The following OS9 variants were observed in gnomAD, a reference collection of about 807,000 sequenced individuals.
OS9 encodes the protein OS9 endoplasmic reticulum lectin.
OS9 carries 58 observed loss-of-function variants against 84.7 expected under a neutral mutation model. The ratio of observed to expected loss-of-function variants is 0.68; its 90% confidence interval spans 0.55 to 0.85. OS9 has a LOEUF of 0.85. Ranked by LOEUF, OS9 falls within the 40% of genes least tolerant of loss-of-function variation. OS9 has a pLI of 0.00. For missense variants in OS9, 760 were observed against 850.9 expected (o/e 0.89, Z 1.33); for synonymous variants, 278 against 320.8 (o/e 0.87, Z 1.43).
rs1050045 is a variant in OS9 at position 57,721,488 on chromosome 12, T to C, written c.*579T>C. ...CCTATCACCTCCAGCACAATCCCAG[T>C]GAAAAAGGTGTGAAGCACCCACCAT... On this transcript the variant is annotated 3_prime_UTR_variant, in exon 15 of 15. Coordinates refer to ENST00000315970, the MANE Select transcript of OS9 (RefSeq NM_006812.4). 60,444 of 152,738 alleles carry C rather than the reference T, an allele frequency of 0.4. 12,212 individuals carry two copies. Among genetic ancestry groups the C allele is most frequent in the Middle Eastern group, 0.6 (176 of 294 alleles). 9.5% of individuals were successfully genotyped at this position (152,738 alleles called of 1,614,324 possible). A position where few individuals can be genotyped will look rare whatever the true frequency, so the allele number is the denominator to read the frequency against.
chr12:57,697,940 C>A (rs1281578333), intron 5 of OS9, among the ~76,000 whole-genome samples: 13 of 150,574 alleles, frequency 8.6e-5, no homozygotes, highest in Middle Eastern at 3.4e-3. Flanking sequence ...CACACACACA[C>A]ACACACACAC....
At chr12:57,718,022 C>T in intron 10 of OS9, 64 bp downstream of exon 10, 1 of 1,540,014 alleles carries the variant, frequency 6.5e-7, no homozygotes, top group South Asian at 1.2e-5. Context: ...TGAAAAACTA[C>T]CCTGACCTGG....
chr12:57,696,807 G>GAA (rs796839432), intron 5 of OS9, among the ~76,000 whole-genome samples: 1 of 138,098 alleles, frequency 7.2e-6, no homozygotes, highest in African/African-American at 2.7e-5. Context: ...AAAAAGAAAA[G>GAA]AAAAAAAAAA....
At chr12:57,695,394 T>C (rs1222921854) in intron 2 of OS9, 6 of 411,310 alleles carry the variant, frequency 1.5e-5, no homozygotes, top group Non-Finnish European at 2.7e-5. Context: ...GTATTCCCAG[T>C]GGCCAGAACA....
intron 2 of OS9, 25 bp from the exon 3 acceptor site, chr12:57,695,755 T>G: frequency 6.5e-7 from 1 of 1,531,720 alleles, no homozygotes; most frequent in Non-Finnish European, 9.1e-7. Context: ...TCCATCCCCC[T>G]GATTGTTTAT....
intron 12 of OS9, chr12:57,719,493 T>C (rs1452436291): frequency 1.2e-5 from 4 of 336,354 alleles, no homozygotes; most frequent in Non-Finnish European, 1.6e-5. Flanking sequence ...ATTGAATGCT[T>C]GTGAGTCTAT....
chr12:57,719,108 G>A lies in OS9; in HGVS notation c.1526G>A (p.Ser509Asn). 1 of 1,614,118 alleles carries A rather than the reference G, an allele frequency of 6.2e-7. No individual in the cohort carries two copies. The highest frequency in any genetic ancestry group is 8.5e-7 in the Non-Finnish European group (1 of 1,180,024). ...KLIKRLEEKQSPELVKKHKKK... is the reference protein window; with the variant it reads ...KLIKRLEEKQNPELVKKHKKK... ...ATCAAAAGACTGGAGGAAAAACAGA[G>A]TCCAGAGCTGGTGAAGAAGCACAAG... is the stretch of plus-strand genomic sequence containing the variant. Residue 509 changes from serine (S) to asparagine (N), a missense_variant, in exon 12 of 15, where the codon AGT (serine) becomes AAT (asparagine). Ser to Asn is a conservative substitution (Grantham distance 46, BLOSUM62 1). Transcript: ENST00000315970.
At position 57,715,509 on chromosome 12, in the gene OS9, A is replaced by T. The variant is rs527390517; in HGVS notation, c.580-251A>T. On this transcript the variant is annotated intron_variant, in intron 5 of 14. Coordinates refer to ENST00000315970, the MANE Select transcript of OS9 (RefSeq NM_006812.4). Reference sequence around the variant, plus strand: ...CCTGAATTCAGTTCCTGTTTTTACCACTTAAAGGCTGGTCAACCTGAACAA... The same window carrying T: ...CCTGAATTCAGTTCCTGTTTTTACCTCTTAAAGGCTGGTCAACCTGAACAA... Among the ~76,000 whole-genome samples the T allele has an allele frequency of 2.0e-5, 3 of 152,344 alleles. No homozygotes were observed. The East Asian group carries it at 5.8e-4, about 29-fold the overall frequency.
intron 8 of OS9, 59 bp downstream of exon 8, chr12:57,716,571 G>A (rs1954505985): frequency 6.6e-7 from 1 of 1,515,062 alleles, no homozygotes; most frequent in Admixed American, 1.8e-5. Flanking sequence ...TGCAGCTGGG[G>A]CCATTGTGAG....
chr12:57,718,483 C>A (rs1022265828), intron 11 of OS9, 62 bp downstream of exon 11: 3 of 1,547,252 alleles, frequency 1.9e-6, no homozygotes, highest in Admixed American at 3.6e-5. Flanking sequence ...GCAGGACAGG[C>A]TGACGGGCTA....
At chr12:57,705,976 A>G (rs1041100384) in intron 5 of OS9, among the ~76,000 whole-genome samples, 2 of 152,222 alleles carry the variant, frequency 1.3e-5, no homozygotes, top group African/African-American at 4.8e-5. Context: ...TGTCATCTGC[A>G]AGAGAAACAG....
At chr12:57,701,410 G>A (rs918005618) in intron 5 of OS9, among the ~76,000 whole-genome samples, 4 of 151,512 alleles carry the variant, frequency 2.6e-5, no homozygotes, top group Non-Finnish European at 5.9e-5. Context: ...TGAGTAGCTG[G>A]GACTATAGGT....
Position 57,720,876 on chromosome 12 carries a change from G to T in OS9, c.1971G>T (p.Glu657Asp). 1 of 1,614,136 alleles carries T rather than the reference G, an allele frequency of 6.2e-7. No homozygotes were observed. Among genetic ancestry groups the T allele is most frequent in the Non-Finnish European group, 8.5e-7 (1 of 1,179,990 alleles). The change falls in exon 15 of 15, where the codon GAG becomes GAT. Residue 657 changes from glutamate (E) to aspartate (D), a missense_variant. By Grantham distance (45) the Glu-to-Asp change is conservative (BLOSUM62 2). Transcript: ENST00000315970. ...GGGTGTGGGGCTCTCCAGGTGGGGA[G>T]GGCACAGGGGACCTGGACGAATTTG... ...YRRVWGSPGGEGTGDLDEFDF is the reference protein window; with the variant it reads ...YRRVWGSPGGDGTGDLDEFDF
chr12:57,719,763 GGAGGAGACCAC>G (rs1467043062), intron 12 of OS9: 1 of 264,958 alleles, frequency 3.8e-6, no homozygotes, highest in East Asian at 8.6e-5. Flanking sequence ...AACATATGGA[GGAGGAGACCAC>G]ACTTTTCCAA....
intron 5 of OS9, 61 bp downstream of exon 5, chr12:57,696,434 A>C: frequency 1.2e-5 from 4 of 333,696 alleles, no homozygotes; most frequent in Non-Finnish European, 2.0e-5. Flanking sequence ...CTAAGGGAAG[A>C]GGGTTGCATC....
rs1285627045 is a variant in OS9 at position 57,719,085 on chromosome 12, C to A, written c.1503C>A (p.Ile501=). The A allele has an allele frequency of 7.4e-6, 12 of 1,613,974 alleles. No homozygotes were observed. In the Admixed American group the frequency reaches 8.3e-5, roughly 11 times the overall value. The change falls in exon 12 of 15, where the codon ATC becomes ATA. Residue 501 remains isoleucine (I), a synonymous_variant. Coordinates refer to ENST00000315970, the MANE Select transcript of OS9 (RefSeq NM_006812.4). ...LALTSTLNKL[I]KRLEEKQSPE... is the part of the protein sequence containing the mutation. ...TCACATCCACTCTCAACAAACTCAT[C>A]AAAAGACTGGAGGAAAAACAGAGTC... is the stretch of plus-strand genomic sequence containing the variant.
rs552158664 is a variant in OS9, at chr12:57,703,491, T to C, written c.579+7118T>C. ...ATATGGATATCCAGTTTTCCTGGCA[T>C]CGTTTGTTGAAAAGACTGTCCTTTC... On this transcript the variant is annotated intron_variant, in intron 5 of 14. Coordinates refer to ENST00000315970, the MANE Select transcript of OS9 (RefSeq NM_006812.4). Among the ~76,000 whole-genome samples the C allele has an allele frequency of 3.3e-5, 5 of 152,340 alleles. No individual in the cohort carries two copies. The South Asian group carries it at 1.0e-3, about 32-fold the overall frequency.
At chr12:57,714,796 T>C (rs1954435062) in intron 5 of OS9, among the ~76,000 whole-genome samples, 1 of 151,434 alleles carries the variant, frequency 6.6e-6, no homozygotes, top group Non-Finnish European at 1.5e-5. Flanking sequence ...TGAGTCTCAC[T>C]ATGTTGCCAA....
At chr12:57,695,694 T>C (rs1953805977) in intron 2 of OS9, 86 bp from the exon 3 acceptor site, 1 of 829,406 alleles carries the variant, frequency 1.2e-6, no homozygotes, top group African/African-American at 1.7e-5. Context: ...AGATGAGAGG[T>C]TATGTGTCTT....
Sources: allele counts gnomAD v4.1 joint callset (sites outside exome capture counted in the v4.1 genomes callset), GRCh38; gene constraint gnomAD v4.1.1; transcripts MANE v1.5; gene names NCBI Gene and HGNC (gene_info 2026-07-23, HGNC 2026-07-21).